PRKACB: variants seen among roughly 807,000 people sequenced by gnomAD.
The protein encoded by PRKACB is protein kinase cAMP-activated catalytic subunit beta.
In PRKACB, 16 loss-of-function variants were observed where a neutral mutation model predicts 51.4. The ratio of observed to expected loss-of-function variants is 0.31; its 90% CI spans 0.21 to 0.47. The LOEUF (loss-of-function observed/expected upper bound fraction) is 0.47. Ranked by LOEUF, PRKACB falls within the 20% of genes least tolerant of loss-of-function variation. The probability of loss-of-function intolerance (pLI) is 1.00; values close to 1 mark genes in which losing one functional copy is unlikely to be tolerated. For synonymous variants in PRKACB, 147 were observed against 154.4 expected (o/e 0.95, Z 0.35); for missense variants, 309 against 464.5 (o/e 0.67, Z 3.08).
chr1:84,201,607 ATCTC>A (rs2101397872), intron 7 of PRKACB, among the ~76,000 whole-genome samples: 1 of 152,204 alleles, frequency 6.6e-6, no homozygotes, highest in African/African-American at 2.4e-5. Context: ...GAAAAAGAAA[ATCTC>A]TATAGCGCTA....
At chr1:84,175,117 C>A (rs1212918147) in intron 1 of PRKACB, 6 of 1,321,788 alleles carry the variant, frequency 4.5e-6, no homozygotes, top group South Asian at 3.8e-5. Flanking sequence ...TTATTGTTTG[C>A]AAGTTTTTAT....
intron 5 of PRKACB, among the ~76,000 whole-genome samples, chr1:84,196,005 T>C (rs960208644): frequency 1.3e-5 from 2 of 152,180 alleles, no homozygotes; most frequent in Non-Finnish European, 2.9e-5. Flanking sequence ...GTAAAAGATT[T>C]GGAAATTCTG....
upstream of PRKACB, among the ~76,000 whole-genome samples, chr1:84,141,374 G>A (rs1012521021): frequency 6.6e-6 from 1 of 151,964 alleles, no homozygotes; most frequent in African/African-American, 2.4e-5. Flanking sequence ...AGCAGTAGAT[G>A]CCAGTAGAGT....
chr1:84,165,670 C>T (rs1331544940), intron 1 of PRKACB, among the ~76,000 whole-genome samples: 2 of 151,592 alleles, frequency 1.3e-5, no homozygotes, highest in African/African-American at 4.8e-5. Context: ...CTAAATATTT[C>T]CAAAACTGTT....
At chr1:84,202,280 T>G (rs1670354545) in intron 7 of PRKACB, among the ~76,000 whole-genome samples, 1 of 152,066 alleles carries the variant, frequency 6.6e-6, no homozygotes, top group Admixed American at 6.6e-5. Context: ...ACTTTTGATC[T>G]TTCTAGGCAT....
intron 1 of PRKACB, among the ~76,000 whole-genome samples, chr1:84,125,509 CCA>C (rs757161372): frequency 2.6e-5 from 4 of 152,106 alleles, no homozygotes; most frequent in Non-Finnish European, 5.9e-5. Flanking sequence ...TGAAACATAT[CCA>C]CAGTTTCCAG....
intron 1 of PRKACB, among the ~76,000 whole-genome samples, chr1:84,157,564 C>T (rs538728084): frequency 6.6e-6 from 1 of 152,170 alleles, no homozygotes; most frequent in Non-Finnish European, 1.5e-5. Context: ...AATCCCCACT[C>T]TCACCTCAAT....
intron 2 of PRKACB, among the ~76,000 whole-genome samples, chr1:84,180,742 A>G (rs182387181): frequency 1.6e-3 from 244 of 152,226 alleles, no homozygotes; most frequent in African/African-American, 5.7e-3. Flanking sequence ...AAGTTAAAAC[A>G]TAGCCACAAA....
At position 84,199,068 on chromosome 1, in the gene PRKACB, T is replaced by TACACATATATAC. The variant is rs1236961965; in HGVS notation, c.783+1244_783+1245insACACATATATAC. On this transcript the variant is annotated intron_variant, in intron 7 of 9. Coordinates refer to ENST00000370685, the MANE Select transcript of PRKACB (RefSeq NM_182948.4). ...GTATGCATATATATATGCGTATATA[T>TACACATATATAC]GCATATATGTATATATATGCGTATA... is the stretch of plus-strand genomic sequence containing the variant. 7.7e-5 allele frequency among the ~76,000 whole-genome samples: 4 copies of TACACATATATAC among 51,964 alleles called. No homozygotes were observed. In the East Asian group the frequency reaches 1.4e-3, roughly 18 times the overall value. The allele number at this position is 51,964 out of a possible 152,430, so 34.1% of individuals were successfully genotyped here.
At chr1:84,138,213 C>A (rs1230104751) in intron 1 of PRKACB, among the ~76,000 whole-genome samples, 1 of 152,130 alleles carries the variant, frequency 6.6e-6, no homozygotes, top group Non-Finnish European at 1.5e-5. Flanking sequence ...TGCTCAAACA[C>A]ATACACAGGT....
At position 84,235,490 on chromosome 1, in the gene PRKACB, A is replaced by C. The variant is rs548510892; in HGVS notation, c.*185A>C. ...TCCACCTATGTAACAAGGCACCGCT[A>C]AGCAAGCATTGTCTGTGCCATAACA... On this transcript the variant is annotated 3_prime_UTR_variant, in exon 10 of 10. Coordinates refer to ENST00000370685, the MANE Select transcript of PRKACB (RefSeq NM_182948.4). 14 of 679,084 alleles carry C rather than the reference A, an allele frequency of 2.1e-5. 1 individual carries two copies. The South Asian group carries it at 2.6e-4, about 13-fold the overall frequency. The allele number at this position is 679,084 out of a possible 1,614,324, so 42.1% of individuals were successfully genotyped here.
chr1:84,197,711 T>A lies in PRKACB; in HGVS notation c.688-18T>A. 6.5e-7 allele frequency: 1 copy of A among 1,534,778 alleles called. No individual in the cohort carries two copies. The highest frequency in any genetic ancestry group is 9.0e-7 in the Non-Finnish European group (1 of 1,115,604). ...TGAGGTAATACATTTTCACTAGTAT[T>A]CTTTTTTTCTTTTATAGGTCACAGA... On this transcript the variant is annotated intron_variant, in intron 6 of 9. Coordinates refer to ENST00000370685, the MANE Select transcript of PRKACB (RefSeq NM_182948.4).
chr1:84,112,960 C>T (rs1361205899), intron 1 of PRKACB, among the ~76,000 whole-genome samples: 1 of 152,048 alleles, frequency 6.6e-6, no homozygotes, highest in Non-Finnish European at 1.5e-5. Context: ...AAGAATAAAA[C>T]TGACAGAGGA....
chr1:84,154,923 C>T (rs76480077), intron 1 of PRKACB, among the ~76,000 whole-genome samples: 2,297 of 152,132 alleles, frequency 0.015, 62 homozygotes, highest in African/African-American at 0.051. Flanking sequence ...CAGCTAACAT[C>T]TTAATAGCGG....
At chr1:84,223,369 T>TTG (rs1674043701) in intron 9 of PRKACB, among the ~76,000 whole-genome samples, 1 of 53,148 alleles carries the variant, frequency 1.9e-5, no homozygotes. Flanking sequence ...TGTTTTTTTT[T>TTG]GTTTTTTTGT....
intron 1 of PRKACB, chr1:84,173,467 T>G: frequency 1.1e-6 from 1 of 905,638 alleles, no homozygotes; most frequent in Non-Finnish European, 1.7e-6. Context: ...TTTACAATTC[T>G]GTTTACTGAA....
At chr1:84,099,467 T>G (rs1033183700) in intron 1 of PRKACB, among the ~76,000 whole-genome samples, 1 of 152,126 alleles carries the variant, frequency 6.6e-6, no homozygotes, top group Non-Finnish European at 1.5e-5. Flanking sequence ...AATGAGAATG[T>G]ACCCTTATTT....
chr1:84,146,733 C>A (rs966507380), intron 1 of PRKACB, among the ~76,000 whole-genome samples: 1 of 151,932 alleles, frequency 6.6e-6, no homozygotes, highest in Non-Finnish European at 1.5e-5. Flanking sequence ...GTATAAAGAT[C>A]AGTTACCAAT....
At chr1:84,205,263 C>A in intron 8 of PRKACB, 1 of 983,926 alleles carries the variant, frequency 1.0e-6, no homozygotes. Context: ...TTGTATTAAC[C>A]ATTTCCCAAT....
Sources: allele counts gnomAD v4.1 joint callset (sites outside exome capture counted in the v4.1 genomes callset), GRCh38; gene constraint gnomAD v4.1.1; transcripts MANE v1.5; gene names NCBI Gene and HGNC (gene_info 2026-07-23, HGNC 2026-07-21).